Variants in ULK2 observed in about 807,000 individuals in gnomAD.
ULK2 encodes serine/threonine-protein kinase ULK2.
In ULK2, 76 loss-of-function variants were observed where a neutral mutation model predicts 127.5. The ratio of observed to expected loss-of-function variants is 0.60; its 90% CI spans 0.50 to 0.72. ULK2 has a LOEUF of 0.72. Among genes scored for constraint, ULK2 ranks in the 30% least tolerant of loss-of-function variants. The pLI, the probability that ULK2 is intolerant of heterozygous loss-of-function variation, is 0.00. For missense variants in ULK2, 1,144 were observed against 1,295.9 expected, an observed-to-expected ratio of 0.88 and a Z score of 1.80; for synonymous variants, 452 against 461.9, an observed-to-expected ratio of 0.98 and a Z score of 0.28.
chr17:19,824,653 A>C (rs1176496768), intron 12 of ULK2, among the ~76,000 whole-genome samples: 1 of 151,946 alleles, frequency 6.6e-6, no homozygotes, highest in Non-Finnish European at 1.5e-5. Flanking sequence ...TGATTAAGAG[A>C]ATCTAAGTCA....
At chr17:19,780,371 G>A in intron 25 of ULK2, 101 bp downstream of exon 25, 2 of 1,124,626 alleles carry the variant, frequency 1.8e-6, no homozygotes, top group South Asian at 2.4e-5. Context: ...TGGGACTTGA[G>A]ACATTATCTT....
At chr17:19,788,926 T>C (rs2087092741) in intron 20 of ULK2, among the ~76,000 whole-genome samples, 1 of 152,162 alleles carries the variant, frequency 6.6e-6, no homozygotes, top group Non-Finnish European at 1.5e-5. Flanking sequence ...TGCAGTAGGA[T>C]ACAATACCAG....
intron 14 of ULK2, among the ~76,000 whole-genome samples, chr17:19,809,496 G>A (rs531023736): frequency 6.6e-6 from 1 of 152,176 alleles, no homozygotes; most frequent in Admixed American, 6.5e-5. Flanking sequence ...ACTTTGGGAG[G>A]CCGAGGCGGG....
chr17:19,845,232 A>C (rs1292721355), intron 7 of ULK2, 72 bp downstream of exon 7: 3 of 1,307,418 alleles, frequency 2.3e-6, no homozygotes, highest in Non-Finnish European at 3.3e-6. Context: ...ATTTGGAAGC[A>C]CGCATTATAT....
At chr17:19,858,528 A>C (rs556021562) in intron 3 of ULK2, among the ~76,000 whole-genome samples, 1 of 152,214 alleles carries the variant, frequency 6.6e-6, no homozygotes, top group African/African-American at 2.4e-5. Flanking sequence ...CATCTCATTA[A>C]CCAGCTCAAG....
intron 8 of ULK2, among the ~76,000 whole-genome samples, chr17:19,841,869 GGTACCTTTTCTGAA>G (rs530234328): frequency 5.3e-5 from 8 of 151,964 alleles, no homozygotes; most frequent in Non-Finnish European, 8.8e-5. Context: ...CCTTTTCTGA[GGTACCTTTTCTGAA>G]GTACCTTTTC....
At chr17:19,811,089 C>T (rs75966241) in intron 13 of ULK2, 5 of 138,192 alleles carry the variant, frequency 3.6e-5, no homozygotes, top group African/African-American at 1.3e-4. Flanking sequence ...ATCCCATTCT[C>T]AAAAAAAAAA....
intron 18 of ULK2, 52 bp from the exon 19 acceptor site, chr17:19,796,334 G>GTATT: frequency 6.7e-7 from 1 of 1,482,650 alleles, no homozygotes; most frequent in Non-Finnish European, 9.0e-7. Flanking sequence ...TACGATGCAT[G>GTATT]AACTATTCAG....
chr17:19,784,950 T>A (rs576799049), intron 21 of ULK2, among the ~76,000 whole-genome samples: 1 of 152,362 alleles, frequency 6.6e-6, no homozygotes, highest in East Asian at 1.9e-4. Flanking sequence ...TAGATCTATT[T>A]TCTCTTATCT....
intron 2 of ULK2, 121 bp downstream of exon 2, chr17:19,865,615 G>A (rs2042335991): frequency 5.5e-6 from 3 of 541,006 alleles, no homozygotes; most frequent in South Asian, 5.6e-5. Flanking sequence ...GCAAAAAGGA[G>A]AGCAACAGTT....
intron 14 of ULK2, 39 bp from the exon 15 acceptor site, chr17:19,804,869 G>C (rs1445902463): frequency 1.3e-6 from 2 of 1,599,138 alleles, no homozygotes; most frequent in African/African-American, 2.7e-5. Context: ...AGAAACAGTG[G>C]TAGGATTGTT....
intron 12 of ULK2, 32 bp downstream of exon 12, chr17:19,825,062 T>G (rs755996768): frequency 1.1e-5 from 18 of 1,591,952 alleles, no homozygotes; most frequent in Non-Finnish European, 1.4e-5. Flanking sequence ...TAGCACTAAC[T>G]CTGAAATTAT....
chr17:19,860,235 G>T (rs1401081376), intron 3 of ULK2, among the ~76,000 whole-genome samples: 1 of 151,930 alleles, frequency 6.6e-6, no homozygotes, highest in African/African-American at 2.4e-5. Context: ...ATTAACTGTG[G>T]GTATATATTA....
rs1192235668 is a variant in ULK2 at position 19,804,153 on chromosome 17, C to T, written c.1295+540G>A. ...ATCCCAGCACTTTGAGAGGCTGAGACGGGAGGATCGCTTGAGGCCAGGAGT... is the reference window on the plus strand; with the variant it reads ...ATCCCAGCACTTTGAGAGGCTGAGATGGGAGGATCGCTTGAGGCCAGGAGT... On this transcript the variant is annotated intron_variant, in intron 15 of 26. Transcript: ENST00000395544. Among the ~76,000 whole-genome samples, 5 of 151,258 alleles carry T rather than the reference C, an allele frequency of 3.3e-5. No individual in the cohort carries two copies. In the South Asian group the frequency reaches 6.3e-4, roughly 19 times the overall value.
rs115917420 is a variant in ULK2, at chr17:19,812,343, G to A, written c.1097-1905C>T. On this transcript the variant is annotated intron_variant, in intron 13 of 26. Transcript: ENST00000395544. ...GATGAATACATTAATTTATTTCACC[G>A]TAGTAACCATTTTACTATATATAGA... Among the ~76,000 whole-genome samples, 1,060 of 152,252 alleles carry A rather than the reference G, an allele frequency of 7.0e-3. 16 individuals are homozygous for A. Among genetic ancestry groups the A allele is most frequent in the African/African-American group, 0.023 (956 of 41,526 alleles).
intron 12 of ULK2, among the ~76,000 whole-genome samples, chr17:19,818,209 G>C (rs2041042532): frequency 6.6e-6 from 1 of 151,916 alleles, no homozygotes; most frequent in Non-Finnish European, 1.5e-5. Context: ...TGTAGTCCCA[G>C]CTACTCGGGG....
chr17:19,780,693 T>G, intron 24 of ULK2, 64 bp from the exon 25 acceptor site: 1 of 1,498,550 alleles, frequency 6.7e-7, no homozygotes, highest in Non-Finnish European at 9.0e-7. Flanking sequence ...CACAGTTATA[T>G]GTATCTTTCC....
chr17:19,849,262 T>C (rs2041961875), intron 5 of ULK2, 107 bp downstream of exon 5: 2 of 944,152 alleles, frequency 2.1e-6, no homozygotes, highest in Non-Finnish European at 3.2e-6. Context: ...TTATTGAATG[T>C]TTCTATACAA....
chr17:19,804,298 T>C (rs2087465281), intron 15 of ULK2, among the ~76,000 whole-genome samples: 1 of 152,134 alleles, frequency 6.6e-6, no homozygotes, highest in African/African-American at 2.4e-5. Context: ...ACCTTTGTTA[T>C]TCCTTTAATA....
Sources: allele counts gnomAD v4.1 joint callset (sites outside exome capture counted in the v4.1 genomes callset), GRCh38; gene constraint gnomAD v4.1.1; transcripts MANE v1.5; gene names NCBI Gene and HGNC (gene_info 2026-07-23, HGNC 2026-07-21).